KPLCE: variants seen among roughly 807,000 people sequenced by gnomAD.
The protein encoded by KPLCE is protein KPLCE.
At chr1:152,719,971 T>C in the KPLCE span, 1 of 1,551,892 alleles carries the variant, frequency 6.4e-7, no homozygotes, top group Non-Finnish European at 8.7e-7. Flanking sequence ...CTCCTGCAAG[T>C]GGCTCAACCT....
the KPLCE span, chr1:152,719,869 C>T: frequency 2.6e-6 from 4 of 1,552,216 alleles, no homozygotes; most frequent in Middle Eastern, 1.7e-4. Context: ...CAGCTCCCTG[C>T]CAGATGACCT....
the KPLCE span, chr1:152,719,608 C>T: frequency 1.0e-5 from 16 of 1,551,890 alleles, no homozygotes; most frequent in Middle Eastern, 1.7e-4. Flanking sequence ...GCAATGGTGC[C>T]TCTGTGAAAT....
At chr1:152,720,470 C>A in the KPLCE span, 7 of 569,652 alleles carry the variant, frequency 1.2e-5, no homozygotes, top group African/African-American at 1.3e-4. Context: ...GCTCTGAATG[C>A]ATTTCGTGGT....
chr1:152,720,467 A>G, the KPLCE span: 1 of 573,502 alleles, frequency 1.7e-6, no homozygotes, highest in East Asian at 2.8e-5. Context: ...AAAGCTCTGA[A>G]TGCATTTCGT....
At chr1:152,720,164 T>A in the KPLCE span, 1 of 1,551,752 alleles carries the variant, frequency 6.4e-7, no homozygotes, top group Non-Finnish European at 8.7e-7. Flanking sequence ...TTCTGGGGGC[T>A]GTGGCTGCAG....
chr1:152,720,039 T>C, the KPLCE span: 97 of 1,551,766 alleles, frequency 6.3e-5, no homozygotes, highest in African/African-American at 1.0e-3. Flanking sequence ...TACTGCTGTC[T>C]GGCTCCCCGG....
the KPLCE span, chr1:152,720,458 A>C: frequency 1.7e-6 from 1 of 586,428 alleles, no homozygotes; most frequent in Non-Finnish European, 3.1e-6. Context: ...GGCATGAATA[A>C]AGCTCTGAAT....
At chr1:152,720,009 C>G in the KPLCE span, 1 of 1,551,808 alleles carries the variant, frequency 6.4e-7, no homozygotes, top group Non-Finnish European at 8.7e-7. Context: ...GACCCATGCT[C>G]TGCTCCCTGT....
chr1:152,719,637 C>A, the KPLCE span: 4 of 1,552,184 alleles, frequency 2.6e-6, no homozygotes, highest in Non-Finnish European at 3.5e-6. Flanking sequence ...CCATGCCAGA[C>A]CCAAACTGTC....
At chr1:152,720,271 C>T in the KPLCE span, 1 of 1,542,294 alleles carries the variant, frequency 6.5e-7, no homozygotes, top group Non-Finnish European at 8.8e-7. Flanking sequence ...ACTGCTGCTG[C>T]TAAACATACG....
the KPLCE span, chr1:152,720,002 C>T: frequency 6.4e-7 from 1 of 1,551,778 alleles, no homozygotes; most frequent in Non-Finnish European, 8.7e-7. Flanking sequence ...TGTCACTGAC[C>T]CATGCTCTGC....
chr1:152,720,167 G>C, the KPLCE span: 1 of 1,551,748 alleles, frequency 6.4e-7, no homozygotes, highest in Admixed American at 2.0e-5. Context: ...TGGGGGCTGT[G>C]GCTGCAGCTG....
chr1:152,719,651 G>A, the KPLCE span: 2 of 1,552,078 alleles, frequency 1.3e-6, no homozygotes, highest in African/African-American at 2.7e-5. Flanking sequence ...AACTGTCTGT[G>A]TGACAGGCCC....
chr1:152,720,152 G>T, the KPLCE span: 16 of 1,551,732 alleles, frequency 1.0e-5, no homozygotes, highest in Admixed American at 2.0e-4. Flanking sequence ...TGGATGCTGT[G>T]GTTCTGGGGG....
the KPLCE span, chr1:152,720,355 T>G: frequency 2.6e-6 from 3 of 1,156,964 alleles, no homozygotes; most frequent in Non-Finnish European, 3.7e-6. Context: ...CCCTCTCTGT[T>G]AGTGCCAGTG....
the KPLCE span, chr1:152,720,068 C>T: frequency 6.4e-7 from 1 of 1,551,754 alleles, no homozygotes; most frequent in Non-Finnish European, 8.7e-7. Flanking sequence ...GGTGAGTCCC[C>T]TGAGACGCTG....
the KPLCE span, chr1:152,719,848 C>A: frequency 6.4e-7 from 1 of 1,551,996 alleles, no homozygotes; most frequent in Non-Finnish European, 8.7e-7. Context: ...GCCAAACCTA[C>A]GTGAAGTGCC....
the KPLCE span, chr1:152,720,198 G>A: frequency 2.6e-6 from 4 of 1,551,714 alleles, no homozygotes; most frequent in East Asian, 7.3e-5. Flanking sequence ...AGCTCTGGGT[G>A]CTGCTGTTTG....
At chr1:152,720,224 A>G in the KPLCE span, 1 of 1,551,504 alleles carries the variant, frequency 6.4e-7, no homozygotes, top group Non-Finnish European at 8.7e-7. Context: ...TATCCCCATG[A>G]GGTCCCGAGG....
Sources: allele counts gnomAD v4.1 joint callset, GRCh38; gene constraint gnomAD v4.1.1; transcripts MANE v1.5; gene names NCBI Gene and HGNC (gene_info 2026-07-23, HGNC 2026-07-21).